The following DPYSL2 variants were observed in gnomAD, a reference collection of about 807,000 sequenced individuals.
DPYSL2 encodes dihydropyrimidinase like 2.
In DPYSL2, 13 loss-of-function variants were observed where a neutral mutation model predicts 69.9. The observed-to-expected ratio is 0.19, with a 90% CI of 0.12 to 0.30. The LOEUF is 0.30. Ranked by LOEUF, DPYSL2 falls within the 10% of genes least tolerant of loss-of-function variation. The probability of loss-of-function intolerance (pLI) is 1.00; values close to 1 mark genes in which losing one functional copy is unlikely to be tolerated. For synonymous variants in DPYSL2, 326 were observed against 359.1 expected, an observed-to-expected ratio of 0.91 and a Z score of 1.04; for missense variants, 587 against 918.9, an observed-to-expected ratio of 0.64 and a Z score of 4.67.
chr8:26,556,756 T>C (rs1167386304), intron 1 of DPYSL2, among the ~76,000 whole-genome samples: 2 of 152,004 alleles, frequency 1.3e-5, no homozygotes, highest in Non-Finnish European at 2.9e-5. Context: ...CTAAAGTTTA[T>C]ATGGAGAAGC....
rs559932397 is a variant in DPYSL2 at position 26,582,313 on chromosome 8, G to T, written c.443+256G>T. Among the ~76,000 whole-genome samples, 2 of 152,298 alleles carry T rather than the reference G, an allele frequency of 1.3e-5. No homozygotes were observed. The highest frequency in any genetic ancestry group is 3.9e-4 in the East Asian group (2 of 5,182). On this transcript the variant is annotated intron_variant, in intron 2 of 13. Coordinates refer to ENST00000521913, the MANE Select transcript of DPYSL2 (RefSeq NM_001197293.3). The surrounding 1 kb of genome is among the most constrained non-coding windows in gnomAD (Gnocchi z 4.1). ...TTACTATTTTTAACTGAGGTGATAT[G>T]ATATCTTTCTGTTGCCAGCTCAAAT...
intron 1 of DPYSL2, among the ~76,000 whole-genome samples, chr8:26,581,399 A>T (rs1801490239): frequency 6.8e-6 from 1 of 147,820 alleles, no homozygotes; most frequent in Admixed American, 6.7e-5. Context: ...TTTGAGTTGG[A>T]GTCTTGCTGT....
rs919293244 is a variant in DPYSL2, at chr8:26,514,182, C to A, written c.-144C>A. On this transcript the variant is annotated 5_prime_UTR_variant, in exon 1 of 14. Transcript: ENST00000521913. This position sits in a 1 kb window ranked among gnomAD's most constrained non-coding sequence, Gnocchi z 8.4. ...GAGGGTGGGTCGCCGGCTCGCCAGC[C>A]CTCCTTCCTTTCTGTGCACCTTGCG... 2.0e-5 allele frequency: 13 copies of A among 663,390 alleles called. No homozygotes were observed. Among genetic ancestry groups the A allele is most frequent in the Non-Finnish European group, 2.9e-5 (13 of 450,104 alleles). The allele number at this position is 663,390 out of a possible 1,614,324, so 41.1% of individuals were successfully genotyped here. A position where few individuals can be genotyped will look rare whatever the true frequency, so the allele number is the denominator to read the frequency against.
At chr8:26,559,035 C>T (rs199855153) in intron 1 of DPYSL2, among the ~76,000 whole-genome samples, 2 of 152,134 alleles carry the variant, frequency 1.3e-5, no homozygotes, top group East Asian at 1.9e-4. Context: ...CTCTGCCTCC[C>T]GGGTTCAAGA....
Position 26,560,516 on chromosome 8 carries a change from C to G in DPYSL2, c.355-21453C>G, listed in dbSNP as rs1801053946. 6.6e-6 allele frequency among the ~76,000 whole-genome samples: 1 copy of G among 152,270 alleles called. No individual in the cohort carries two copies. Among genetic ancestry groups the G allele is most frequent in the East Asian group, 1.9e-4 (1 of 5,176 alleles). ...TTTGTCCACAGCTCACAGCTCACAGCTCACAGCCAGGCTCTGTGGGCTGCA... is the reference window on the plus strand; with the variant it reads ...TTTGTCCACAGCTCACAGCTCACAGGTCACAGCCAGGCTCTGTGGGCTGCA... On this transcript the variant is annotated intron_variant, in intron 1 of 13. Transcript: ENST00000521913. This position sits in a 1 kb window ranked among gnomAD's most constrained non-coding sequence, Gnocchi z 4.4.
At chr8:26,559,261 G>T (rs924161978) in intron 1 of DPYSL2, among the ~76,000 whole-genome samples, 5 of 152,106 alleles carry the variant, frequency 3.3e-5, no homozygotes, top group Admixed American at 2.0e-4. Context: ...TTCTAGTAGT[G>T]CTATGAAGAA....
rs543778044 is a variant in DPYSL2 at position 26,562,543 on chromosome 8, C to T, written c.355-19426C>T. Among the ~76,000 whole-genome samples the T allele has an allele frequency of 2.3e-4, 35 of 152,246 alleles. No homozygotes were observed. Among genetic ancestry groups the T allele is most frequent in the African/African-American group, 7.0e-4 (29 of 41,532 alleles). Reference sequence around the variant, plus strand: ...AAGTATTGGTCAGATTTTGTTGTTCCCGATTAGAATGCTTAAATGGTTTCG... The same window carrying T: ...AAGTATTGGTCAGATTTTGTTGTTCTCGATTAGAATGCTTAAATGGTTTCG... On this transcript the variant is annotated intron_variant, in intron 1 of 13. Transcript: ENST00000521913. The surrounding 1 kb of genome is among the most constrained non-coding windows in gnomAD (Gnocchi z 4.9).
chr8:26,574,240 A>C (rs2129699683), intron 1 of DPYSL2, among the ~76,000 whole-genome samples: 1 of 152,102 alleles, frequency 6.6e-6, no homozygotes, highest in South Asian at 2.1e-4. Context: ...CAAGATGTAG[A>C]TTAGGGAGGG....
intron 1 of DPYSL2, among the ~76,000 whole-genome samples, chr8:26,526,512 T>G (rs1477273212): frequency 6.6e-6 from 1 of 152,178 alleles, no homozygotes; most frequent in Non-Finnish European, 1.5e-5. Flanking sequence ...GTCTTGTGCG[T>G]TTTTTGCCAA....
intron 1 of DPYSL2, among the ~76,000 whole-genome samples, chr8:26,531,053 C>A (rs866085330): frequency 9.1e-6 from 1 of 109,804 alleles, no homozygotes; most frequent in African/African-American, 3.0e-5. Context: ...AGCAAGACCT[C>A]GTCTCAAAGA....
At position 26,582,731 on chromosome 8, in the gene DPYSL2, G is replaced by C. The variant is rs140717015; in HGVS notation, c.443+674G>C. 3.9e-5 allele frequency among the ~76,000 whole-genome samples: 6 copies of C among 152,290 alleles called. No homozygotes were observed. The East Asian group carries it at 1.2e-3, about 29-fold the overall frequency. On this transcript the variant is annotated intron_variant, in intron 2 of 13. Coordinates refer to ENST00000521913, the MANE Select transcript of DPYSL2 (RefSeq NM_001197293.3). This position sits in a 1 kb window ranked among gnomAD's most constrained non-coding sequence, Gnocchi z 4.1. ...TCTGCCTGCCCTTTCTACTGGGGTA[G>C]CTCCCGGGGCTCTGGAGAAATAGCA...
In DPYSL2 at chr8:26,574,125, A is replaced by G. The variant is rs555753118; in HGVS notation, c.355-7844A>G. Among the ~76,000 whole-genome samples the G allele has an allele frequency of 4.6e-5, 7 of 152,332 alleles. 1 individual carries two copies. The South Asian group carries it at 1.4e-3, about 32-fold the overall frequency. ...ATGGTGTTATAGCAGAGCTGAACACAGGAAGGAGTGCTTAAGGCTGTGGGG... is the reference window on the plus strand; with the variant it reads ...ATGGTGTTATAGCAGAGCTGAACACGGGAAGGAGTGCTTAAGGCTGTGGGG... On this transcript the variant is annotated intron_variant, in intron 1 of 13. Coordinates refer to ENST00000521913, the MANE Select transcript of DPYSL2 (RefSeq NM_001197293.3).
rs146480168 is a variant in DPYSL2 at position 26,606,930 on chromosome 8, C to T, written c.629-17213C>T. 3.8e-3 allele frequency among the ~76,000 whole-genome samples: 585 copies of T among 152,176 alleles called. 8 individuals carry two copies. Among genetic ancestry groups the T allele is most frequent in the African/African-American group, 0.013 (539 of 41,518 alleles). On this transcript the variant is annotated intron_variant, in intron 3 of 13. Coordinates refer to ENST00000521913, the MANE Select transcript of DPYSL2 (RefSeq NM_001197293.3). The stretch of plus-strand genomic sequence containing the variant: ...TGTGGTTAAATGAACACTCAAACTG[C>T]GGATAGGTATTTACATTGGCATGGC...
chr8:26,528,370 C>G (rs1370218025), intron 1 of DPYSL2, among the ~76,000 whole-genome samples: 2 of 152,064 alleles, frequency 1.3e-5, no homozygotes, highest in Non-Finnish European at 2.9e-5. Flanking sequence ...AGAAATGGGC[C>G]GGGCGCGGTG....
chr8:26,616,386 G>A (rs1802348557), intron 3 of DPYSL2, among the ~76,000 whole-genome samples: 1 of 152,202 alleles, frequency 6.6e-6, no homozygotes, highest in Non-Finnish European at 1.5e-5. Context: ...AGGGCATTTT[G>A]CAGGGTAGAT....
At chr8:26,530,788 A>G (rs1409448699) in intron 1 of DPYSL2, among the ~76,000 whole-genome samples, 1 of 152,218 alleles carries the variant, frequency 6.6e-6, no homozygotes, top group South Asian at 2.1e-4. Context: ...GGTATACCAG[A>G]TGGTGGCTTT....
Position 26,642,080 on chromosome 8 carries a change from G to T in DPYSL2, c.1127-1359G>T, listed in dbSNP as rs549775803. 2.4e-4 allele frequency among the ~76,000 whole-genome samples: 36 copies of T among 152,226 alleles called. No homozygotes were observed. Among genetic ancestry groups the T allele is most frequent in the Non-Finnish European group, 4.6e-4 (31 of 68,030 alleles). On this transcript the variant is annotated intron_variant, in intron 8 of 13. Transcript: ENST00000521913. The surrounding 1 kb of genome is among the most constrained non-coding windows in gnomAD (Gnocchi z 5.3). The stretch of plus-strand genomic sequence containing the variant: ...GTGGGAGTTAGCCCTGTGCTGGGGG[G>T]AGCTAGTGAGAGATGAATTCAGCTG...
In DPYSL2 at chr8:26,614,023, G is replaced by T. The variant is rs183558852; in HGVS notation, c.629-10120G>T. Among the ~76,000 whole-genome samples the T allele has an allele frequency of 4.7e-4, 71 of 152,264 alleles. No homozygotes were observed. Among genetic ancestry groups the T allele is most frequent in the Admixed American group, 2.0e-3 (30 of 15,302 alleles). On this transcript the variant is annotated intron_variant, in intron 3 of 13. Coordinates refer to ENST00000521913, the MANE Select transcript of DPYSL2 (RefSeq NM_001197293.3). The surrounding 1 kb of genome is among the most constrained non-coding windows in gnomAD (Gnocchi z 4.9). Reference sequence around the variant, plus strand: ...CACGTGCCTGTGGTCCCAGCTACTCGGGAGGTTGAGGTGGGAGGATCGCTT... The same window carrying T: ...CACGTGCCTGTGGTCCCAGCTACTCTGGAGGTTGAGGTGGGAGGATCGCTT...
chr8:26,568,185 A>G (rs962359914), intron 1 of DPYSL2, among the ~76,000 whole-genome samples: 2 of 152,224 alleles, frequency 1.3e-5, no homozygotes, highest in South Asian at 4.1e-4. Flanking sequence ...AGACAGTGGA[A>G]GTGCCCAGAA....
Sources: allele counts gnomAD v4.1 joint callset (sites outside exome capture counted in the v4.1 genomes callset), GRCh38; gene constraint gnomAD v4.1.1; non-coding constraint Gnocchi (gnomAD v3.1); transcripts MANE v1.5; gene names NCBI Gene and HGNC (gene_info 2026-07-23, HGNC 2026-07-21).